PKN2: variants seen among roughly 807,000 people sequenced by gnomAD.
PKN2 encodes the protein protein kinase N2.
In PKN2, 38 loss-of-function variants were observed where a neutral mutation model predicts 119.1. That is an observed-to-expected ratio of 0.32 (90% CI 0.25 to 0.42). PKN2 has a LOEUF of 0.42. Ranked by LOEUF, PKN2 falls within the 10% of genes least tolerant of loss-of-function variation. PKN2 has a pLI of 1.00. For missense variants in PKN2, 850 were observed against 1,165.1 expected (o/e 0.73, Z 3.94); for synonymous variants, 390 against 384.9 (o/e 1.01, Z -0.15).
chr1:88,761,209 A>AG (rs1211948693), intron 3 of PKN2, among the ~76,000 whole-genome samples: 3 of 152,180 alleles, frequency 2.0e-5, no homozygotes, highest in Non-Finnish European at 4.4e-5. Flanking sequence ...ATTATCCTCA[A>AG]GGTTCTCTTC....
intron 1 of PKN2, among the ~76,000 whole-genome samples, chr1:88,704,476 T>TAA (rs1377259483): frequency 1.3e-5 from 2 of 152,218 alleles, no homozygotes; most frequent in Non-Finnish European, 2.9e-5. Context: ...TTAGTGGACT[T>TAA]ACACTTTCAT....
intron 16 of PKN2, among the ~76,000 whole-genome samples, chr1:88,819,377 C>A (rs1371530534): frequency 6.6e-6 from 1 of 152,112 alleles, no homozygotes; most frequent in Admixed American, 6.6e-5. Context: ...TGAACAGACA[C>A]TTCTCAAGAC....
At chr1:88,830,775 TCACAGTTG>T (rs1356915087) in intron 19 of PKN2, among the ~76,000 whole-genome samples, 1 of 152,134 alleles carries the variant, frequency 6.6e-6, no homozygotes, top group Non-Finnish European at 1.5e-5. Context: ...GGCTATTTCT[TCACAGTTG>T]TTTCTTGCAA....
intron 15 of PKN2, among the ~76,000 whole-genome samples, chr1:88,809,853 G>A (rs1052573950): frequency 5.9e-5 from 9 of 152,070 alleles, no homozygotes; most frequent in African/African-American, 1.9e-4. Context: ...GGCTTCAAGC[G>A]ATCCTCCTTG....
intron 1 of PKN2, among the ~76,000 whole-genome samples, chr1:88,733,602 G>A (rs1015482654): frequency 2.6e-5 from 4 of 152,100 alleles, no homozygotes; most frequent in Admixed American, 6.6e-5. Context: ...TGTGTAGTTT[G>A]TAAATGTGTT....
chr1:88,733,196 A>G (rs1668209517), intron 1 of PKN2, among the ~76,000 whole-genome samples: 1 of 152,174 alleles, frequency 6.6e-6, no homozygotes, highest in African/African-American at 2.4e-5. Flanking sequence ...TTTTCTTTGG[A>G]TATATATACC....
intron 1 of PKN2, 96 bp downstream of exon 1, chr1:88,684,724 C>A: frequency 9.3e-7 from 1 of 1,070,526 alleles, no homozygotes; most frequent in South Asian, 1.8e-5. Context: ...GCGGCCGCCG[C>A]GCCCCTAGCC....
At chr1:88,771,631 A>C (rs1669898317) in intron 5 of PKN2, 32 bp from the exon 6 acceptor site, 1 of 1,595,488 alleles carries the variant, frequency 6.3e-7, no homozygotes, top group East Asian at 2.2e-5. Flanking sequence ...GTGATTATTT[A>C]AATGACAACA....
In PKN2 at chr1:88,796,563, GT is replaced by G. The variant is rs965116944; in HGVS notation, c.1282-7822del. 1.8e-4 allele frequency among the ~76,000 whole-genome samples: 27 copies of G among 152,042 alleles called. 1 individual carries two copies. The highest frequency in any genetic ancestry group is 1.2e-3 in the Admixed American group (18 of 15,248). On this transcript the variant is annotated intron_variant, in intron 8 of 21. Transcript: ENST00000370521. Reference sequence around the variant, plus strand: ...ACTATATACTTCCTTACCTTTGTATGTTTTTTCCCCTCTGATGACTTTGTCC... The same window carrying G: ...ACTATATACTTCCTTACCTTTGTATGTTTTTCCCCTCTGATGACTTTGTCC...
rs144567130 is a variant in PKN2, at chr1:88,829,130, T to C, written c.2562+507T>C. On this transcript the variant is annotated intron_variant, in intron 19 of 21. Coordinates refer to ENST00000370521, the MANE Select transcript of PKN2 (RefSeq NM_006256.4). ...GATGGAGAGAGGAGAAAACCTATGG[T>C]AGCTGTGAAGGCCCTGATGCCATGT... 64 of 735,774 alleles carry C rather than the reference T, an allele frequency of 8.7e-5. No individual in the cohort carries two copies. In the East Asian group the frequency reaches 1.6e-3, roughly 19 times the overall value. The allele number at this position is 735,774 out of a possible 1,614,324, so 45.6% of individuals were successfully genotyped here.
At chr1:88,793,204 GTGTT>G (rs112845597) in intron 8 of PKN2, among the ~76,000 whole-genome samples, 7 of 152,276 alleles carry the variant, frequency 4.6e-5, no homozygotes, top group South Asian at 2.1e-4. Flanking sequence ...TGGTCTGTAA[GTGTT>G]TGTGTGTAAG....
chr1:88,739,144 T>C (rs1668475387), intron 1 of PKN2, among the ~76,000 whole-genome samples: 1 of 152,122 alleles, frequency 6.6e-6, no homozygotes, highest in Non-Finnish European at 1.5e-5. Context: ...GAAATTTTCT[T>C]TGTACTATTT....
chr1:88,833,335 G>A lies in PKN2; in HGVS notation c.2842G>A (p.Asp948Asn). ...ACGAGAAGATGTTAGTAATTTTGAT[G>A]ATGAATTTACCTCAGAAGCACCTAT... is the stretch of plus-strand genomic sequence containing the variant. The part of the protein sequence containing the change: ...RGREDVSNFD[D>N]EFTSEAPILT... The change falls in exon 22 of 22, where the codon GAT becomes AAT. Residue 948 changes from aspartate to asparagine, a missense_variant. By Grantham distance (23) the Asp-to-Asn change is conservative. Around this residue, in one of 9 missense-constraint regions of PKN2, gnomAD observed 95 missense variants for 150.2 expected, o/e 0.63. Transcript: ENST00000370521. 6.2e-7 allele frequency: 1 copy of A among 1,613,388 alleles called. No homozygotes were observed. Among genetic ancestry groups the A allele is most frequent in the Non-Finnish European group, 8.5e-7 (1 of 1,179,450 alleles).
chr1:88,785,950 A>C (rs1250666301), intron 7 of PKN2, among the ~76,000 whole-genome samples, 154 bp from the exon 8 acceptor site: 1 of 152,226 alleles, frequency 6.6e-6, no homozygotes, highest in Non-Finnish European at 1.5e-5. Context: ...GTATCTGTAA[A>C]ACTAGCCATT....
intron 3 of PKN2, among the ~76,000 whole-genome samples, chr1:88,769,655 T>C (rs1669806582): frequency 6.6e-6 from 1 of 152,186 alleles, no homozygotes. Context: ...TACTGCCATA[T>C]ATGACAACAT....
At chr1:88,806,797 G>T (rs536787544) in intron 12 of PKN2, among the ~76,000 whole-genome samples, 1 of 152,226 alleles carries the variant, frequency 6.6e-6, no homozygotes, top group East Asian at 1.9e-4. Context: ...TTGGCTCACT[G>T]CAACCTCCGC....
At chr1:88,685,579 T>G (rs1395904736) in intron 1 of PKN2, among the ~76,000 whole-genome samples, 2 of 152,226 alleles carry the variant, frequency 1.3e-5, no homozygotes, top group Non-Finnish European at 2.9e-5. Context: ...ACATGGGGAC[T>G]TAAGCTACCC....
At chr1:88,777,467 A>G (rs919997275) in intron 6 of PKN2, among the ~76,000 whole-genome samples, 3 of 152,174 alleles carry the variant, frequency 2.0e-5, no homozygotes, top group African/African-American at 7.2e-5. Flanking sequence ...TCATAATTCA[A>G]GTACTTCATT....
intron 2 of PKN2, among the ~76,000 whole-genome samples, chr1:88,756,278 G>T (rs867531100): frequency 6.6e-6 from 1 of 152,210 alleles, no homozygotes; most frequent in Non-Finnish European, 1.5e-5. Flanking sequence ...TAATCTTTTT[G>T]TATAAGTGCT....
Sources: allele counts gnomAD v4.1 joint callset (sites outside exome capture counted in the v4.1 genomes callset), GRCh38; gene constraint gnomAD v4.1.1; regional missense constraint gnomAD v4.1.1; transcripts MANE v1.5; gene names NCBI Gene and HGNC (gene_info 2026-07-23, HGNC 2026-07-21).